Variants in NAV3 observed in about 807,000 individuals in gnomAD.
NAV3 encodes neuron navigator 3, also known as pore membrane and/or filament interacting like protein 1.
A neutral mutation model predicts 244.7 loss-of-function variants in NAV3; 87 were observed. The ratio of observed to expected loss-of-function variants is 0.36; its 90% CI spans 0.30 to 0.42. The LOEUF (loss-of-function observed/expected upper bound fraction) is 0.42, where lower values mean the gene tolerates loss of function less well. Ranked by LOEUF, NAV3 falls within the 20% of genes least tolerant of loss-of-function variation. The pLI is 1.00. For missense variants in NAV3, 2,663 were observed against 2,893.3 expected (o/e 0.92, Z 1.83); for synonymous variants, 1,126 against 1,042.2 (o/e 1.08, Z -1.55).
At chr12:77,748,871 A>G (rs982906599) in intron 2 of NAV3, among the ~76,000 whole-genome samples, 8 of 152,188 alleles carry the variant, frequency 5.3e-5, no homozygotes, top group Admixed American at 6.5e-5. Context: ...AAGAGCTTAA[A>G]TGTTCTCACC....
intron 2 of NAV3, among the ~76,000 whole-genome samples, chr12:77,586,824 C>T (rs966391195): frequency 5.9e-5 from 9 of 152,210 alleles, no homozygotes; most frequent in Admixed American, 5.2e-4. Flanking sequence ...GGACAGCACA[C>T]ATATAGAACA....
intron 2 of NAV3, among the ~76,000 whole-genome samples, chr12:77,707,773 A>G (rs1054741079): frequency 6.6e-6 from 1 of 152,136 alleles, no homozygotes; most frequent in Non-Finnish European, 1.5e-5. Flanking sequence ...GTGAGATGGT[A>G]TCTCATTGTG....
At chr12:78,106,353 A>T (rs956093909) in intron 12 of NAV3, among the ~76,000 whole-genome samples, 2 of 152,210 alleles carry the variant, frequency 1.3e-5, no homozygotes, top group African/African-American at 4.8e-5. Flanking sequence ...TAAAGTATTT[A>T]GGAATTTATA....
Position 78,074,733 on chromosome 12 carries a change from G to T in NAV3, c.2636+15618G>T, listed in dbSNP as rs561896847. 1.1e-4 allele frequency among the ~76,000 whole-genome samples: 16 copies of T among 152,108 alleles called. 1 individual carries two copies. Among genetic ancestry groups the T allele is most frequent in the African/African-American group, 2.9e-4 (12 of 41,512 alleles). Reference sequence around the variant, plus strand: ...ACAAACAAACAAATGAAGATATGAAGATATGACGCAAGACAGAATTAGTAT... The same window carrying T: ...ACAAACAAACAAATGAAGATATGAATATATGACGCAAGACAGAATTAGTAT... On this transcript the variant is annotated intron_variant, in intron 12 of 39. Transcript: ENST00000397909.
chr12:77,777,559 A>G (rs1370656312), intron 2 of NAV3, among the ~76,000 whole-genome samples: 2 of 152,118 alleles, frequency 1.3e-5, no homozygotes, highest in Non-Finnish European at 2.9e-5. Flanking sequence ...GCAATTTAAA[A>G]CTCATGAATT....
At chr12:77,700,190 G>A (rs969002884) in intron 2 of NAV3, among the ~76,000 whole-genome samples, 2 of 152,136 alleles carry the variant, frequency 1.3e-5, no homozygotes, top group Non-Finnish European at 1.5e-5. Context: ...AAGAAAGAGT[G>A]AGAGGTGGGC....
At position 77,968,608 on chromosome 12, in the gene NAV3, T is replaced by A. The variant is rs2137991339; in HGVS notation, c.577T>A (p.Tyr193Asn). ...GCAACAACACCATCAACAACAGTAC[T>A]ATCAGTCCTTGGTGGAACTTCAGCA... ...KQQQHHQQQYYQSLVELQQRV... is the reference protein window; with the variant it reads ...KQQQHHQQQYNQSLVELQQRV... The change falls in exon 5 of 40, where the codon TAT (tyrosine) becomes AAT (asparagine). Residue 193 changes from tyrosine to asparagine, a missense_variant. Around this residue, in one of 6 missense-constraint regions of NAV3, gnomAD observed 1,521 missense variants for 1,497.0 expected, o/e 1.02. Coordinates refer to ENST00000397909, the MANE Select transcript of NAV3 (RefSeq NM_001024383.2). The A allele has an allele frequency of 6.2e-7, 1 of 1,614,138 alleles. No homozygotes were observed. The highest frequency in any genetic ancestry group is 8.5e-7 in the Non-Finnish European group (1 of 1,180,008).
At position 78,122,070 on chromosome 12, in the gene NAV3, G is replaced by C. The variant is rs762424798; in HGVS notation, c.3880G>C (p.Gly1294Arg). ...AGGCAGTCTGGAGTCACCGTCGTCC[G>C]GTACGGGCAGCATGGGCAGTGCTGG... ...RQGSLESPSS[G>R]TGSMGSAGGL... Residue 1294 changes from glycine (G) to arginine (R), a missense_variant, in exon 16 of 40, where the codon GGT becomes CGT. Gly to Arg is a moderately radical substitution (Grantham distance 125). Around this residue, in one of 6 missense-constraint regions of NAV3, gnomAD observed 354 missense variants for 413.0 expected, o/e 0.86. Coordinates refer to ENST00000397909, the MANE Select transcript of NAV3 (RefSeq NM_001024383.2). The C allele has an allele frequency of 6.2e-7, 1 of 1,614,194 alleles. No individual in the cohort carries two copies. The highest frequency in any genetic ancestry group is 8.5e-7 in the Non-Finnish European group (1 of 1,180,034).
intron 2 of NAV3, among the ~76,000 whole-genome samples, chr12:77,634,526 T>A (rs992722024): frequency 5.9e-5 from 9 of 152,194 alleles, no homozygotes; most frequent in African/African-American, 2.2e-4. Flanking sequence ...AGCAAGATGG[T>A]TATAAAAAAT....
At chr12:78,078,457 G>A (rs1378879800) in intron 12 of NAV3, among the ~76,000 whole-genome samples, 1 of 135,424 alleles carries the variant, frequency 7.4e-6, no homozygotes, top group Non-Finnish European at 1.5e-5. Flanking sequence ...GTGCAGTGGC[G>A]GGATCTCGGC....
intron 8 of NAV3, among the ~76,000 whole-genome samples, chr12:78,020,212 A>G (rs567279565): frequency 1.3e-5 from 2 of 152,176 alleles, no homozygotes; most frequent in Non-Finnish European, 2.9e-5. Context: ...TCCAGAGAAA[A>G]TGGGAAACAC....
intron 1 of NAV3, among the ~76,000 whole-genome samples, chr12:77,932,635 T>G (rs1888923224): frequency 6.6e-6 from 1 of 152,194 alleles, no homozygotes; most frequent in Non-Finnish European, 1.5e-5. Flanking sequence ...CTGTCTTTAC[T>G]TTCTTGACTC....
chr12:77,685,469 A>G (rs1874678935), intron 2 of NAV3, among the ~76,000 whole-genome samples: 1 of 117,112 alleles, frequency 8.5e-6, no homozygotes, highest in Non-Finnish European at 1.7e-5. Context: ...CAACGCATAC[A>G]CATGCACACA....
chr12:78,064,744 T>C (rs897474994), intron 12 of NAV3, among the ~76,000 whole-genome samples: 6 of 152,104 alleles, frequency 3.9e-5, no homozygotes, highest in African/African-American at 7.2e-5. Context: ...TATTAGTATG[T>C]ATAATAATCA....
chr12:77,593,288 G>GTGTC (rs142361727), intron 2 of NAV3, among the ~76,000 whole-genome samples: 10,118 of 151,616 alleles, frequency 0.067, 747 homozygotes, highest in African/African-American at 0.18. Context: ...GTCTGTGTGT[G>GTGTC]TGTGTGTGTG....
In NAV3 at chr12:77,915,744, T is replaced by C. The variant is rs147299573; in HGVS notation, c.244-24575T>C. Among the ~76,000 whole-genome samples the C allele has an allele frequency of 5.3e-4, 80 of 152,098 alleles. 1 individual carries two copies. Among genetic ancestry groups the C allele is most frequent in the African/African-American group, 1.8e-3 (75 of 41,526 alleles). ...TAGTAGAGCTGTAAAGACAAAAAAG[T>C]TGCAAAATTGGTAAGGTCTTTGATA... On this transcript the variant is annotated intron_variant, in intron 1 of 39. Transcript: ENST00000397909.
At chr12:77,859,792 T>A (rs79061971) in intron 1 of NAV3, among the ~76,000 whole-genome samples, 7,546 of 134,300 alleles carry the variant, frequency 0.056, 328 homozygotes, top group South Asian at 0.22. Flanking sequence ...ACTAAATTGA[T>A]AATCTTTTTG....
chr12:78,180,286 G>A (rs1272427534), intron 29 of NAV3, among the ~76,000 whole-genome samples: 1 of 152,060 alleles, frequency 6.6e-6, no homozygotes, highest in African/African-American at 2.4e-5. Flanking sequence ...ACTGCAATAA[G>A]AAAAGCTCAT....
intron 9 of NAV3, among the ~76,000 whole-genome samples, chr12:78,047,853 C>G (rs1199966447): frequency 6.6e-6 from 1 of 152,118 alleles, no homozygotes; most frequent in African/African-American, 2.4e-5. Context: ...CCAGTCAAAC[C>G]TAGGTTTGGT....
Sources: allele counts gnomAD v4.1 joint callset (sites outside exome capture counted in the v4.1 genomes callset), GRCh38; gene constraint gnomAD v4.1.1; regional missense constraint gnomAD v4.1.1; transcripts MANE v1.5; gene names NCBI Gene and HGNC (gene_info 2026-07-23, HGNC 2026-07-21).